The following SORCS1 variants were observed in gnomAD, a reference collection of about 807,000 sequenced individuals.
The protein encoded by SORCS1 is VPS10 domain-containing receptor SorCS1.
Under a neutral mutation model 146.1 loss-of-function variants are expected in SORCS1, and 60 were observed. That is an observed-to-expected ratio of 0.41 (90% CI 0.33 to 0.51). The LOEUF is 0.51. Among genes scored for constraint, SORCS1 ranks in the 20% least tolerant of loss-of-function variants. SORCS1 has a pLI of 0.21. For missense variants in SORCS1, 1,352 were observed against 1,487.6 expected (o/e 0.91, Z 1.50); for synonymous variants, 637 against 584.0 (o/e 1.09, Z -1.31).
At chr10:107,167,529 A>G (rs147806629), upstream of SORCS1, among the ~76,000 whole-genome samples, 459 of 152,252 alleles carry the variant, frequency 3.0e-3, 4 homozygotes, top group African/African-American at 0.011. Flanking sequence ...CTGGACTACC[A>G]CAACAGCCTC....
At position 107,065,961 on chromosome 10, in the gene SORCS1, G is replaced by C. The variant is rs542588126; in HGVS notation, c.558+98008C>G. ...CAGAGACAGGATTCAAACCCAGACT[G>C]TTTGATTCTAGCACCAATGGCTTAA... is the stretch of plus-strand genomic sequence containing the variant. On this transcript the variant is annotated intron_variant, in intron 1 of 25. Coordinates refer to ENST00000263054, the MANE Select transcript of SORCS1 (RefSeq NM_052918.5). Among the ~76,000 whole-genome samples, 6 of 152,300 alleles carry C rather than the reference G, an allele frequency of 3.9e-5. No individual in the cohort carries two copies. In the East Asian group the frequency reaches 7.7e-4, roughly 20 times the overall value.
At chr10:106,664,734 G>A (rs1381498292) in intron 17 of SORCS1, among the ~76,000 whole-genome samples, 2 of 152,018 alleles carry the variant, frequency 1.3e-5, no homozygotes, top group Non-Finnish European at 2.9e-5. Context: ...GTAGCATCTG[G>A]AACAATTTGA....
chr10:106,942,513 A>G (rs983832700), intron 2 of SORCS1, among the ~76,000 whole-genome samples: 2 of 152,196 alleles, frequency 1.3e-5, no homozygotes, highest in African/African-American at 4.8e-5. Context: ...AGTGCATGCC[A>G]GCTCCTGAGC....
Position 106,902,043 on chromosome 10 carries a change from CA to C in SORCS1, c.626+54469del, listed in dbSNP as rs1313705147. On this transcript the variant is annotated intron_variant, in intron 2 of 25. Coordinates refer to ENST00000263054, the MANE Select transcript of SORCS1 (RefSeq NM_052918.5). Reference sequence around the variant, plus strand: ...TGGGTGACAGAGCGAGACTCTGTCTCAAAAAAAAAAAAATTAGATTTTACTA... The same window carrying C: ...TGGGTGACAGAGCGAGACTCTGTCTCAAAAAAAAAAAATTAGATTTTACTA... Among the ~76,000 whole-genome samples the C allele has an allele frequency of 8.5e-3, 1,038 of 122,638 alleles. 10 individuals are homozygous for C. The highest frequency in any genetic ancestry group is 0.026 in the African/African-American group (876 of 33,400). 80.5% of individuals were successfully genotyped at this position (122,638 alleles called of 152,430 possible).
At chr10:107,141,795 T>C (rs930417033) in intron 1 of SORCS1, among the ~76,000 whole-genome samples, 1 of 152,216 alleles carries the variant, frequency 6.6e-6, no homozygotes, top group African/African-American at 2.4e-5. Context: ...CCCAGCAGTA[T>C]GTCCTGCACA....
chr10:107,180,662 TCTTA>T, the SORCS1 span, among the ~76,000 whole-genome samples: 1 of 152,218 alleles, frequency 6.6e-6, no homozygotes, highest in East Asian at 1.9e-4. Context: ...GTATATTTAT[TCTTA>T]CTTTGAGTTT....
intron 24 of SORCS1, among the ~76,000 whole-genome samples, chr10:106,585,066 C>CA (rs1472480216): frequency 6.6e-6 from 1 of 151,258 alleles, no homozygotes; most frequent in Non-Finnish European, 1.5e-5. Flanking sequence ...ATGTATAGTC[C>CA]AAAAAAAATT....
chr10:107,103,808 G>A (rs1965115046), intron 1 of SORCS1, among the ~76,000 whole-genome samples: 2 of 152,160 alleles, frequency 1.3e-5, no homozygotes. Context: ...AAACCCCTTT[G>A]TTCTCCTTCA....
intron 5 of SORCS1, among the ~76,000 whole-genome samples, chr10:106,742,406 G>A (rs962077850): frequency 3.3e-5 from 5 of 151,960 alleles, no homozygotes; most frequent in African/African-American, 4.8e-5. Flanking sequence ...TTGAGATGGA[G>A]TCTAGCTCTG....
chr10:107,033,400 C>A (rs1379002902), intron 1 of SORCS1, among the ~76,000 whole-genome samples: 2 of 152,154 alleles, frequency 1.3e-5, no homozygotes, highest in East Asian at 3.9e-4. Context: ...GTATAATGTG[C>A]CATGCTTTCC....
chr10:106,773,672 GGGCGTGGT>G, intron 4 of SORCS1, among the ~76,000 whole-genome samples: 2 of 152,206 alleles, frequency 1.3e-5, no homozygotes, highest in East Asian at 3.8e-4. Flanking sequence ...AACCCTGGCT[GGGCGTGGT>G]GGCTCATGTC....
Position 106,912,457 on chromosome 10 carries a change from T to A in SORCS1, c.626+44056A>T, listed in dbSNP as rs114141024. Among the ~76,000 whole-genome samples, 282 of 152,242 alleles carry A rather than the reference T, an allele frequency of 1.9e-3. 4 individuals are homozygous for A. Among genetic ancestry groups the A allele is most frequent in the African/African-American group, 6.3e-3 (261 of 41,536 alleles). ...CACTCCCAACCTAAAGCAATCAGAA[T>A]CTCTGTTTGCCAGGGAATTTGCATT... is the stretch of plus-strand genomic sequence containing the variant. On this transcript the variant is annotated intron_variant, in intron 2 of 25. Transcript: ENST00000263054.
chr10:106,809,107 T>G (rs1947330740), intron 3 of SORCS1, among the ~76,000 whole-genome samples: 1 of 152,162 alleles, frequency 6.6e-6, no homozygotes, highest in Non-Finnish European at 1.5e-5. Context: ...ATTTTCTTTT[T>G]TCTAGACAAG....
chr10:107,096,926 C>T (rs1303646073), intron 1 of SORCS1, among the ~76,000 whole-genome samples: 1 of 152,202 alleles, frequency 6.6e-6, no homozygotes, highest in African/African-American at 2.4e-5. Context: ...TTGCCCATCT[C>T]ATTTCCCCCA....
chr10:107,015,892 G>T (rs896840318), intron 1 of SORCS1, among the ~76,000 whole-genome samples: 1 of 152,138 alleles, frequency 6.6e-6, no homozygotes, highest in African/African-American at 2.4e-5. Context: ...TAAATGACTT[G>T]GATGATGGGG....
At chr10:106,817,652 A>G (rs569590192) in intron 3 of SORCS1, among the ~76,000 whole-genome samples, 43 of 152,344 alleles carry the variant, frequency 2.8e-4, no homozygotes, top group African/African-American at 9.9e-4. Context: ...ATGTAACATA[A>G]TAACACATTA....
At chr10:107,047,694 C>G (rs541891575) in intron 1 of SORCS1, among the ~76,000 whole-genome samples, 1 of 152,130 alleles carries the variant, frequency 6.6e-6, no homozygotes, top group Non-Finnish European at 1.5e-5. Context: ...CACCGCAGTG[C>G]GTTGCCAATA....
At chr10:106,963,076 G>C (rs1002763097) in intron 1 of SORCS1, among the ~76,000 whole-genome samples, 2 of 144,144 alleles carry the variant, frequency 1.4e-5, no homozygotes, top group Non-Finnish European at 3.0e-5. Flanking sequence ...TCAAAGAGTT[G>C]GATAAAATAA....
chr10:106,891,116 C>A (rs1369303588), intron 2 of SORCS1, among the ~76,000 whole-genome samples: 1 of 152,068 alleles, frequency 6.6e-6, no homozygotes, highest in Non-Finnish European at 1.5e-5. Context: ...AACATGGTTC[C>A]CGTATTACTT....
Sources: gnomAD v4.1 joint callset for allele counts (sites outside exome capture counted in the v4.1 genomes callset) on GRCh38, gnomAD v4.1.1 for gene constraint, MANE v1.5 for transcripts, NCBI Gene and HGNC (gene_info 2026-07-23, HGNC 2026-07-21) for gene names.